Variants in PRKD3 observed in about 807,000 individuals in gnomAD.
The protein encoded by PRKD3 is serine/threonine-protein kinase D3.
A neutral mutation model predicts 99.2 loss-of-function variants in PRKD3; 47 were observed. That is an observed-to-expected ratio of 0.47 (90% CI 0.38 to 0.60). The LOEUF (loss-of-function observed/expected upper bound fraction) is 0.60, where lower values mean the gene tolerates loss of function less well. PRKD3 is among the 20% of genes least tolerant of loss of function. PRKD3 has a pLI of 0.00. For missense variants in PRKD3, 1,019 were observed against 1,088.4 expected (o/e 0.94, Z 0.90); for synonymous variants, 392 against 355.4 (o/e 1.10, Z -1.16).
intron 8 of PRKD3, 37 bp downstream of exon 8, chr2:37,279,709 G>A: frequency 6.5e-7 from 1 of 1,526,880 alleles, no homozygotes; most frequent in Non-Finnish European, 8.8e-7. Flanking sequence ...AACTGACCTT[G>A]CATCTGGAAG....
intron 7 of PRKD3, among the ~76,000 whole-genome samples, chr2:37,280,986 C>T (rs1314657339): frequency 1.3e-5 from 2 of 151,902 alleles, no homozygotes; most frequent in South Asian, 2.1e-4. Context: ...ATAAAAATGG[C>T]GAATGAACAC....
At chr2:37,281,942 A>G (rs891389752) in intron 7 of PRKD3, among the ~76,000 whole-genome samples, 2 of 152,210 alleles carry the variant, frequency 1.3e-5, no homozygotes, top group African/African-American at 4.8e-5. Flanking sequence ...AAGAAAAAAA[A>G]AGACCCCAAA....
Position 37,316,702 on chromosome 2 carries a change from T to G in PRKD3, c.-178A>C. The G allele has an allele frequency of 2.1e-6, 3 of 1,428,536 alleles. No individual in the cohort carries two copies. The allele number at this position is 1,428,536 out of a possible 1,614,324, so 88.5% of individuals were successfully genotyped here. On this transcript the variant is annotated 5_prime_UTR_variant, in exon 2 of 19. Coordinates refer to ENST00000234179, the MANE Select transcript of PRKD3 (RefSeq NM_005813.6). Reference sequence around the variant, plus strand: ...TTTTAAGTTTTATCAAGGAGTTGAATGCCCCAAAGGTCCTATTTCTCTTAA... The same window carrying G: ...TTTTAAGTTTTATCAAGGAGTTGAAGGCCCCAAAGGTCCTATTTCTCTTAA...
At chr2:37,264,746 G>GA (rs370830640) in intron 14 of PRKD3, among the ~76,000 whole-genome samples, 7 of 149,884 alleles carry the variant, frequency 4.7e-5, no homozygotes, top group East Asian at 2.0e-4. Flanking sequence ...TTTTGGGGGG[G>GA]AAAAAAAAAG....
intron 15 of PRKD3, among the ~76,000 whole-genome samples, chr2:37,259,933 G>T (rs913410675): frequency 2.6e-5 from 4 of 152,132 alleles, no homozygotes; most frequent in African/African-American, 4.8e-5. Flanking sequence ...GGGAGACCTA[G>T]GCAGGTGGAT....
chr2:37,265,819 A>C (rs577909230), intron 14 of PRKD3, among the ~76,000 whole-genome samples: 49 of 152,310 alleles, frequency 3.2e-4, no homozygotes, highest in African/African-American at 1.1e-3. Flanking sequence ...TGATATAATA[A>C]TGAAGTTTTT....
chr2:37,254,466 G>C (rs1209793197), intron 17 of PRKD3, among the ~76,000 whole-genome samples, 177 bp from the exon 18 acceptor site: 1 of 152,188 alleles, frequency 6.6e-6, no homozygotes, highest in Non-Finnish European at 1.5e-5. Flanking sequence ...ACTGATTTAA[G>C]TGTATCTGTC....
intron 5 of PRKD3, among the ~76,000 whole-genome samples, chr2:37,287,955 C>G (rs998254278): frequency 2.0e-5 from 3 of 152,142 alleles, no homozygotes; most frequent in African/African-American, 7.2e-5. Flanking sequence ...CCCTGAAAGC[C>G]CTTCCATGCT....
At chr2:37,280,697 G>C (rs540074844) in intron 7 of PRKD3, among the ~76,000 whole-genome samples, 31 of 152,190 alleles carry the variant, frequency 2.0e-4, no homozygotes, top group African/African-American at 7.2e-4. Flanking sequence ...TTGTGACCTT[G>C]GTTAGGCAAA....
chr2:37,311,660 A>C (rs181824789), intron 2 of PRKD3, among the ~76,000 whole-genome samples: 1 of 152,202 alleles, frequency 6.6e-6, no homozygotes, highest in African/African-American at 2.4e-5. Flanking sequence ...GAATTTTTTT[A>C]AAGTATATTT....
At chr2:37,269,587 C>A (rs199937584) in intron 13 of PRKD3, 28 bp downstream of exon 13, 5 of 1,574,602 alleles carry the variant, frequency 3.2e-6, no homozygotes, top group Non-Finnish European at 4.4e-6. Context: ...ATAATGTGTA[C>A]AATATGCAAA....
chr2:37,301,366 T>C (rs1370140823), intron 2 of PRKD3, among the ~76,000 whole-genome samples: 5 of 129,160 alleles, frequency 3.9e-5, no homozygotes, highest in Non-Finnish European at 6.0e-5. Flanking sequence ...GAGAAGAGCC[T>C]TTTTTTTTTC....
chr2:37,273,213 G>GT (rs1402873751), intron 11 of PRKD3, among the ~76,000 whole-genome samples: 1 of 151,984 alleles, frequency 6.6e-6, no homozygotes, highest in African/African-American at 2.4e-5. Context: ...TTTAAAGAGT[G>GT]TGTAAGTGCC....
intron 7 of PRKD3, chr2:37,282,165 A>T (rs1669883540): frequency 1.2e-5 from 2 of 161,344 alleles, no homozygotes; most frequent in Non-Finnish European, 2.7e-5. Context: ...CTTAGGTTGA[A>T]ATGTCAATAT....
At chr2:37,277,174 T>C (rs1236043297) in intron 9 of PRKD3, among the ~76,000 whole-genome samples, 1 of 152,148 alleles carries the variant, frequency 6.6e-6, no homozygotes. Context: ...GCTACTAACA[T>C]TTATTGAGTG....
intron 9 of PRKD3, 39 bp downstream of exon 9, chr2:37,277,825 CAA>C (rs752792876): frequency 1.3e-6 from 2 of 1,595,852 alleles, no homozygotes; most frequent in South Asian, 2.3e-5. Context: ...AAACTCATAA[CAA>C]AGTCTTACTA....
At chr2:37,256,479 CAGATAAAAGTATAAAA>C (rs1434879417) in intron 17 of PRKD3, among the ~76,000 whole-genome samples, 167 bp downstream of exon 17, 2 of 152,040 alleles carry the variant, frequency 1.3e-5, no homozygotes, top group Non-Finnish European at 2.9e-5. Context: ...ACAGAAGACA[CAGATAAAAGTATAAAA>C]AGAAGAGTGC....
intron 13 of PRKD3, chr2:37,268,426 T>C (rs1420869137): frequency 2.0e-5 from 9 of 458,710 alleles, no homozygotes; most frequent in Admixed American, 7.4e-5. Context: ...ACACATTTTC[T>C]AGGCGACTGC....
At position 37,253,155 on chromosome 2, in the gene PRKD3, C is replaced by G. The variant is rs1034732705; in HGVS notation, c.*22G>C. The G allele has an allele frequency of 6.4e-7, 1 of 1,567,604 alleles. No individual in the cohort carries two copies. Among genetic ancestry groups the G allele is most frequent in the East Asian group, 2.3e-5 (1 of 44,110 alleles). ...ATCAGTCCATAAAATGAAATCCTTC[C>G]TTATTTAGGTTAGCTCAGTGATTAA... is the stretch of plus-strand genomic sequence containing the variant. On this transcript the variant is annotated 3_prime_UTR_variant, in exon 19 of 19. Coordinates refer to ENST00000234179, the MANE Select transcript of PRKD3 (RefSeq NM_005813.6).
Sources: gnomAD v4.1 joint callset for allele counts (sites outside exome capture counted in the v4.1 genomes callset) on GRCh38, gnomAD v4.1.1 for gene constraint, MANE v1.5 for transcripts, NCBI Gene and HGNC (gene_info 2026-07-23, HGNC 2026-07-21) for gene names.